Variants in PLEKHA2 observed in about 807,000 individuals in gnomAD.
PLEKHA2 encodes pleckstrin homology domain-containing family A member 2.
In PLEKHA2, 28 loss-of-function variants were observed where a neutral mutation model predicts 53.2. That is an observed-to-expected ratio of 0.53 (90% confidence interval 0.39 to 0.72). The LOEUF (loss-of-function observed/expected upper bound fraction) is 0.72. Ranked by LOEUF, PLEKHA2 falls within the 30% of genes least tolerant of loss-of-function variation. The pLI, the probability that PLEKHA2 is intolerant of heterozygous loss-of-function variation, is 0.00. For missense variants in PLEKHA2, 426 were observed against 537.9 expected (o/e 0.79, Z 2.06); for synonymous variants, 193 against 196.4 (o/e 0.98, Z 0.14).
At chr8:38,904,064 T>G (rs939744882) in intron 1 of PLEKHA2, among the ~76,000 whole-genome samples, 4 of 152,144 alleles carry the variant, frequency 2.6e-5, no homozygotes, top group African/African-American at 7.2e-5. Flanking sequence ...CTGCCTGATA[T>G]GAGCCCATTA....
intron 2 of PLEKHA2, among the ~76,000 whole-genome samples, chr8:38,929,477 C>T (rs1834349687): frequency 6.6e-6 from 1 of 152,184 alleles, no homozygotes; most frequent in South Asian, 2.1e-4. Flanking sequence ...ATGGCAGGGC[C>T]TAAAGGAAAG....
intron 10 of PLEKHA2, among the ~76,000 whole-genome samples, chr8:38,959,024 A>T (rs1391367725): frequency 6.6e-6 from 1 of 152,188 alleles, no homozygotes; most frequent in African/African-American, 2.4e-5. Flanking sequence ...GACCTAATGT[A>T]TGCAAATTGA....
chr8:38,948,913 C>T (rs867715768), intron 5 of PLEKHA2, among the ~76,000 whole-genome samples: 230 of 152,234 alleles, frequency 1.5e-3, no homozygotes, highest in African/African-American at 5.3e-3. Context: ...CTCTATAGCC[C>T]AGGCTGGAGT....
chr8:38,905,138 ATCT>A (rs749673610), intron 1 of PLEKHA2, among the ~76,000 whole-genome samples: 22 of 152,130 alleles, frequency 1.4e-4, no homozygotes, highest in Non-Finnish European at 2.8e-4. Context: ...TTGAATGGTC[ATCT>A]TCTTGCAAAA....
chr8:38,925,013 C>CT (rs987945560), intron 2 of PLEKHA2, among the ~76,000 whole-genome samples: 6 of 152,038 alleles, frequency 3.9e-5, no homozygotes, highest in African/African-American at 7.3e-5. Context: ...ATCAAGCAAA[C>CT]TTTTTTTTAA....
intron 4 of PLEKHA2, among the ~76,000 whole-genome samples, chr8:38,944,640 C>A (rs1834674680): frequency 6.6e-6 from 1 of 152,094 alleles, no homozygotes; most frequent in African/African-American, 2.4e-5. Flanking sequence ...TATGACACAA[C>A]AGCATGGGGG....
intron 10 of PLEKHA2, among the ~76,000 whole-genome samples, chr8:38,958,490 G>A (rs1041689375): frequency 7.9e-5 from 12 of 152,160 alleles, no homozygotes; most frequent in Non-Finnish European, 4.4e-5. Context: ...GAGCTGGTCC[G>A]CTTTCCCATT....
intron 1 of PLEKHA2, among the ~76,000 whole-genome samples, chr8:38,906,542 C>T (rs965478883): frequency 3.3e-5 from 5 of 152,188 alleles, no homozygotes; most frequent in African/African-American, 7.2e-5. Context: ...CCCGCCATTC[C>T]TGTACATGTT....
rs1834207250 is a variant in PLEKHA2 at position 38,922,238 on chromosome 8, A to G, written c.141+4168A>G. Among the ~76,000 whole-genome samples, 1 of 152,210 alleles carries G rather than the reference A, an allele frequency of 6.6e-6. No individual in the cohort carries two copies. The highest frequency in any genetic ancestry group is 1.5e-5 in the Non-Finnish European group (1 of 68,034). On this transcript the variant is annotated intron_variant, in intron 2 of 11. Transcript: ENST00000617275. This position sits in a 1 kb window ranked among gnomAD's most constrained non-coding sequence, Gnocchi z 4.0. ...AGGTAGTTTCTGGTTAAGAAAGAGA[A>G]ACCTGAGGACTCTCGGGGCTGGGAG...
intron 6 of PLEKHA2, among the ~76,000 whole-genome samples, chr8:38,951,430 A>G (rs941577589): frequency 4.3e-4 from 65 of 150,336 alleles, no homozygotes; most frequent in African/African-American, 1.5e-3. Flanking sequence ...GAGAAAGGAA[A>G]GGTTTATTTT....
At position 38,909,453 on chromosome 8, in the gene PLEKHA2, C is replaced by T. The variant is rs189147023; in HGVS notation, c.-24+8008C>T. On this transcript the variant is annotated intron_variant, in intron 1 of 11. Transcript: ENST00000617275. ...ATCTGTTTTAAGCAGTGATCTTTCCCTTTCAGCCCCTCTATGCCTCTGTGT... is the reference window on the plus strand; with the variant it reads ...ATCTGTTTTAAGCAGTGATCTTTCCTTTTCAGCCCCTCTATGCCTCTGTGT... Among the ~76,000 whole-genome samples, 216 of 51,094 alleles carry T rather than the reference C, an allele frequency of 4.2e-3. 2 individuals carry two copies. The highest frequency in any genetic ancestry group is 7.4e-3 in the Non-Finnish European group (174 of 23,606). The allele number at this position is 51,094 out of a possible 152,430, so 33.5% of individuals were successfully genotyped here.
intron 1 of PLEKHA2, among the ~76,000 whole-genome samples, chr8:38,903,309 T>G (rs542849158): frequency 6.6e-6 from 1 of 152,366 alleles, no homozygotes; most frequent in Admixed American, 6.5e-5. Flanking sequence ...CTTGCTCATT[T>G]CACAGATTGG....
chr8:38,965,098 G>A (rs1465051029), intron 10 of PLEKHA2, among the ~76,000 whole-genome samples: 1 of 151,824 alleles, frequency 6.6e-6, no homozygotes, highest in Non-Finnish European at 1.5e-5. Context: ...AAAGGAAAAC[G>A]GGGAAAAAAT....
chr8:38,968,229 C>T (rs1040633094), intron 10 of PLEKHA2, among the ~76,000 whole-genome samples: 17 of 152,272 alleles, frequency 1.1e-4, no homozygotes, highest in African/African-American at 4.1e-4. Context: ...AAACCTTGGG[C>T]TTTGGCTTTC....
In PLEKHA2 at chr8:38,924,800, G is replaced by A. The variant is rs143924414; in HGVS notation, c.141+6730G>A. Among the ~76,000 whole-genome samples, 1,009 of 152,348 alleles carry A rather than the reference G, an allele frequency of 6.6e-3. 34 individuals are homozygous for A. Among genetic ancestry groups the A allele is most frequent in the Admixed American group, 0.06 (911 of 15,298 alleles). ...GATCAGAACACAGCGTGGGCCAGGC[G>A]CAGCCTTGAATGTCTGGCAGAATTT... On this transcript the variant is annotated intron_variant, in intron 2 of 11. Coordinates refer to ENST00000617275, the MANE Select transcript of PLEKHA2 (RefSeq NM_021623.2).
At chr8:38,909,592 G>A (rs1365055925) in intron 1 of PLEKHA2, among the ~76,000 whole-genome samples, 1 of 151,972 alleles carries the variant, frequency 6.6e-6, no homozygotes, top group African/African-American at 2.4e-5. Context: ...TTTTTTTCTT[G>A]GCTTGAATCT....
chr8:38,936,470 G>A (rs1383375106), intron 3 of PLEKHA2, among the ~76,000 whole-genome samples: 2 of 152,196 alleles, frequency 1.3e-5, no homozygotes, highest in Admixed American at 6.5e-5. Context: ...AAAAAATATT[G>A]GGGCTTCACT....
intron 2 of PLEKHA2, among the ~76,000 whole-genome samples, chr8:38,919,778 G>A (rs1370768609): frequency 6.6e-6 from 1 of 152,112 alleles, no homozygotes; most frequent in East Asian, 1.9e-4. Context: ...GTAGAACTGA[G>A]CCCCATGTTT....
rs1206705569 is a variant in PLEKHA2 at position 38,946,117 on chromosome 8, T to C, written c.248-7T>C. 6.3e-7 allele frequency: 1 copy of C among 1,597,436 alleles called. No individual in the cohort carries two copies. The highest frequency in any genetic ancestry group is 1.1e-5 in the South Asian group (1 of 88,484). ...ATGTCTTCCCTTCTTTTCTGTGGCT[T>C]TTGTAGTTATCAATGCCCTGTCTCA... On this transcript the variant is annotated splice_region_variant and splice_polypyrimidine_tract_variant and intron_variant, in intron 4 of 11. Transcript: ENST00000617275.
Sources: gnomAD v4.1 joint callset for allele counts (sites outside exome capture counted in the v4.1 genomes callset) on GRCh38, gnomAD v4.1.1 for gene constraint, Gnocchi (gnomAD v3.1) non-coding constraint, MANE v1.5 for transcripts, NCBI Gene and HGNC (gene_info 2026-07-23, HGNC 2026-07-21) for gene names.